The following DCAF1 variants were observed in gnomAD, a reference collection of about 807,000 sequenced individuals.
DCAF1 encodes the protein DDB1 and CUL4 associated factor 1.
Under a neutral mutation model 128.0 loss-of-function variants are expected in DCAF1, and 15 were observed. That is an observed-to-expected ratio of 0.12 (90% CI 0.08 to 0.18). DCAF1 has a LOEUF of 0.18. Ranked by LOEUF, DCAF1 falls within the 10% of genes least tolerant of loss-of-function variation. The pLI is 1.00. For synonymous variants in DCAF1, 610 were observed against 603.0 expected, an observed-to-expected ratio of 1.01 and a Z score of -0.17; for missense variants, 988 against 1,649.5, an observed-to-expected ratio of 0.60 and a Z score of 6.95.
intron 6 of DCAF1, among the ~76,000 whole-genome samples, chr3:51,445,040 G>T (rs1249958950): frequency 6.6e-6 from 1 of 151,996 alleles, no homozygotes; most frequent in African/African-American, 2.4e-5. Context: ...GTGGTCCAAA[G>T]AACTTGAAAA....
chr3:51,448,414 G>T (rs1359262498), intron 6 of DCAF1, among the ~76,000 whole-genome samples: 3 of 152,148 alleles, frequency 2.0e-5, no homozygotes, highest in Non-Finnish European at 4.4e-5. Context: ...AGAGACAGGG[G>T]TCTCACTTTG....
At chr3:51,413,530 G>C in intron 20 of DCAF1, 144 bp from the exon 21 acceptor site, 2 of 1,336,162 alleles carry the variant, frequency 1.5e-6, no homozygotes, top group South Asian at 1.5e-5. Context: ...AATCTACTCT[G>C]CATCTAGTTA....
At chr3:51,401,906 G>A (rs540204995) in intron 24 of DCAF1, among the ~76,000 whole-genome samples, 2 of 152,270 alleles carry the variant, frequency 1.3e-5, no homozygotes, top group Non-Finnish European at 2.9e-5. Context: ...CAGCCTCCAA[G>A]TATGAAAAAA....
intron 23 of DCAF1, 144 bp from the exon 24 acceptor site, chr3:51,403,539 A>G: frequency 1.4e-6 from 2 of 1,404,322 alleles, no homozygotes; most frequent in Non-Finnish European, 1.9e-6. Flanking sequence ...TTCATGAGCC[A>G]GCCAGACTTG....
intron 9 of DCAF1, among the ~76,000 whole-genome samples, chr3:51,439,442 A>AT (rs1191716094): frequency 0.96 from 123,846 of 128,450 alleles, 59,841 homozygotes; most frequent in Middle Eastern, 0.99. Context: ...TGCTATTTCT[A>AT]TTTTTTTTTT....
At chr3:51,468,590 G>A (rs1704388570) in intron 4 of DCAF1, among the ~76,000 whole-genome samples, 3 of 152,168 alleles carry the variant, frequency 2.0e-5, no homozygotes, top group Non-Finnish European at 2.9e-5. Flanking sequence ...GTGAGCTGCT[G>A]CTATGTTTTT....
chr3:51,455,174 A>G (rs1702766071), intron 6 of DCAF1, among the ~76,000 whole-genome samples: 1 of 152,228 alleles, frequency 6.6e-6, no homozygotes, highest in Non-Finnish European at 1.5e-5. Context: ...CACAGCACAA[A>G]AGAGATCTTC....
chr3:51,444,927 G>A lies in DCAF1; in HGVS notation c.376-1024C>T, dbSNP rs1476189652. ...CCTGACCTCGTGATCCGCCCCCCTT[G>A]GCCTCCCAAAGTGCTGGGATTACAG... is the stretch of plus-strand genomic sequence containing the variant. On this transcript the variant is annotated intron_variant, in intron 6 of 24. Transcript: ENST00000684031. 2.6e-5 allele frequency among the ~76,000 whole-genome samples: 4 copies of A among 151,792 alleles called. No individual in the cohort carries two copies. In the South Asian group the frequency reaches 6.2e-4, roughly 24 times the overall value.
downstream of DCAF1, chr3:51,396,135 C>G (rs1577024090): frequency 1.2e-5 from 5 of 402,728 alleles, no homozygotes; most frequent in East Asian, 1.5e-4. Flanking sequence ...TCTGGGCTAC[C>G]TATCTTCCTT....
upstream of DCAF1, among the ~76,000 whole-genome samples, chr3:51,503,977 C>T (rs1553664846): frequency 6.6e-6 from 1 of 151,572 alleles, no homozygotes; most frequent in Non-Finnish European, 1.5e-5. Context: ...AGAGTGGAGT[C>T]AACATTGGGG....
intron 23 of DCAF1, among the ~76,000 whole-genome samples, chr3:51,411,722 C>T (rs1415068370): frequency 1.3e-5 from 2 of 152,014 alleles, no homozygotes; most frequent in African/African-American, 4.8e-5. Flanking sequence ...TTCTACAGTC[C>T]ATCTCAGCAA....
At chr3:51,501,766 C>G (rs1277960582), upstream of DCAF1, among the ~76,000 whole-genome samples, 1 of 152,162 alleles carries the variant, frequency 6.6e-6, no homozygotes. Flanking sequence ...TTTCTCCTGC[C>G]ACAACACACA....
rs990321537 is a variant in DCAF1, at chr3:51,418,288, A to T, written c.3436-90T>A. ...CATTAGCATTTTTAAAGATTTGCAT[A>T]AAAATGTTGTTGAATTAAAGAGACA... is the stretch of plus-strand genomic sequence containing the variant. On this transcript the variant is annotated intron_variant, in intron 16 of 24. Transcript: ENST00000684031. 70 of 1,512,542 alleles carry T rather than the reference A, an allele frequency of 4.6e-5. No homozygotes were observed. The African/African-American group carries it at 8.0e-4, about 17-fold the overall frequency. The allele number at this position is 1,512,542 out of a possible 1,614,324, so 93.7% of individuals were successfully genotyped here.
chr3:51,453,112 T>C (rs1308090684), intron 6 of DCAF1, among the ~76,000 whole-genome samples: 3 of 152,076 alleles, frequency 2.0e-5, no homozygotes, highest in Admixed American at 6.6e-5. Context: ...AAATAATCCA[T>C]ATTAAAAATT....
intron 2 of DCAF1, among the ~76,000 whole-genome samples, chr3:51,489,828 T>C (rs1553657061): frequency 2.2e-5 from 1 of 45,370 alleles, no homozygotes; most frequent in African/African-American, 1.5e-4. Context: ...TGTGTGTGTG[T>C]GTGTATATAG....
rs139100491 is a variant in DCAF1 at position 51,496,595 on chromosome 3, C to T, written c.-9+139G>A. Among the ~76,000 whole-genome samples the T allele has an allele frequency of 4.9e-3, 740 of 151,896 alleles. 3 individuals are homozygous for T. The highest frequency in any genetic ancestry group is 7.7e-3 in the Non-Finnish European group (525 of 67,984). On this transcript the variant is annotated intron_variant, in intron 2 of 24. Transcript: ENST00000684031. ...ACATTGAGCTAAGTAATTTACCATACTTACATTATTCTGAATTTTCACAAC... is the reference window on the plus strand; with the variant it reads ...ACATTGAGCTAAGTAATTTACCATATTTACATTATTCTGAATTTTCACAAC...
chr3:51,458,429 C>A (rs1553643544), intron 6 of DCAF1, among the ~76,000 whole-genome samples: 1 of 152,038 alleles, frequency 6.6e-6, no homozygotes, highest in Non-Finnish European at 1.5e-5. Flanking sequence ...CCTTAGTGAC[C>A]TACAAAGAGA....
At chr3:51,414,311 A>AT (rs1225444384) in intron 19 of DCAF1, among the ~76,000 whole-genome samples, 1 of 152,182 alleles carries the variant, frequency 6.6e-6, no homozygotes, top group Non-Finnish European at 1.5e-5. Context: ...GTGGCAACTG[A>AT]TTTTTTACAG....
At chr3:51,488,053 CG>C (rs1481803223) in intron 2 of DCAF1, among the ~76,000 whole-genome samples, 94 of 151,764 alleles carry the variant, frequency 6.2e-4, no homozygotes, top group African/African-American at 2.2e-3. Flanking sequence ...TTAGTAGAGA[CG>C]GGGTTTCACC....
Sources: allele counts gnomAD v4.1 joint callset (sites outside exome capture counted in the v4.1 genomes callset), GRCh38; gene constraint gnomAD v4.1.1; transcripts MANE v1.5; gene names NCBI Gene and HGNC (gene_info 2026-07-23, HGNC 2026-07-21).